Variants in LMF1 observed in about 807,000 individuals in gnomAD.
The protein encoded by LMF1 is lipase maturation factor 1, also known as transmembrane protein 112.
Under a neutral mutation model 60.6 loss-of-function variants are expected in LMF1, and 68 were observed. That is an observed-to-expected ratio of 1.12 (90% CI 0.92 to 1.37). LMF1 has a LOEUF of 1.37. Ranked by LOEUF, LMF1 falls within the 40% of genes most tolerant of loss-of-function variation. The pLI, the probability that LMF1 is intolerant of heterozygous loss-of-function variation, is 0.00. For missense variants in LMF1, 948 were observed against 767.2 expected (o/e 1.24, Z -2.78); for synonymous variants, 418 against 324.7 (o/e 1.29, Z -3.09).
upstream of LMF1, chr16:975,975 G>C (rs1351968669): frequency 3.4e-6 from 1 of 291,022 alleles, no homozygotes; most frequent in Non-Finnish European, 6.2e-6. Flanking sequence ...TGGACATTCC[G>C]GGCAAGGGGC....
chr16:888,466 C>G (rs2070377159), intron 5 of LMF1, among the ~76,000 whole-genome samples: 1 of 152,210 alleles, frequency 6.6e-6, no homozygotes, highest in South Asian at 2.1e-4. Flanking sequence ...CTCACTCCAT[C>G]CTTCTTGATG....
intron 3 of LMF1, among the ~76,000 whole-genome samples, chr16:927,283 G>A (rs903769464): frequency 2.6e-5 from 4 of 152,168 alleles, no homozygotes; most frequent in African/African-American, 7.2e-5. Context: ...TGAAGAACAC[G>A]ACCAGACACT....
intron 2 of LMF1, among the ~76,000 whole-genome samples, chr16:945,014 G>C (rs2072201614): frequency 6.6e-6 from 1 of 151,584 alleles, no homozygotes; most frequent in Admixed American, 6.6e-5. Flanking sequence ...AGGAGTTCGA[G>C]ACCAGCCTGA....
chr16:931,071 A>C (rs1460448093), intron 3 of LMF1, among the ~76,000 whole-genome samples: 4 of 152,058 alleles, frequency 2.6e-5, no homozygotes, highest in Non-Finnish European at 4.4e-5. Context: ...CAGTGAGCCA[A>C]GATCGCACCA....
intron 5 of LMF1, among the ~76,000 whole-genome samples, chr16:890,680 A>AC (rs556090242): frequency 6.6e-5 from 10 of 151,928 alleles, no homozygotes; most frequent in African/African-American, 1.9e-4. Flanking sequence ...TGGGCACAGG[A>AC]CCCCCCCATG....
chr16:912,135 C>A (rs1399898116), intron 3 of LMF1, among the ~76,000 whole-genome samples: 1 of 152,178 alleles, frequency 6.6e-6, no homozygotes. Flanking sequence ...ACCCGCTGCC[C>A]AGCATGACAA....
intron 3 of LMF1, among the ~76,000 whole-genome samples, chr16:921,430 C>T (rs563753472): frequency 6.6e-6 from 1 of 152,176 alleles, no homozygotes; most frequent in Admixed American, 6.5e-5. Flanking sequence ...AAAGTTCACC[C>T]GCCAGCCAGG....
intron 5 of LMF1, among the ~76,000 whole-genome samples, chr16:890,366 T>C (rs1410109322): frequency 1.3e-5 from 2 of 152,060 alleles, no homozygotes; most frequent in Non-Finnish European, 2.9e-5. Context: ...CAAGTCACAG[T>C]GGGTTTTGAA....
intron 3 of LMF1, among the ~76,000 whole-genome samples, chr16:917,835 G>C (rs971642659): frequency 6.6e-6 from 1 of 152,194 alleles, no homozygotes; most frequent in African/African-American, 2.4e-5. Flanking sequence ...GCTGTGTCTG[G>C]AGTGGACTGC....
rs776718553 is a variant in LMF1 at position 893,056 on chromosome 16, C to G, written c.680G>C (p.Arg227Pro). Residue 227 changes from arginine to proline, a missense_variant, in exon 5 of 11, where the codon CGG (arginine) becomes CCG (proline). By Grantham distance (103) the Arg-to-Pro change is moderately radical. Transcript: ENST00000262301. ...GAGGTCTCGCCAGCACCGGTCCCCC[C>G]GGATCTTGATCAGGCCCTGCAAGGA... ...IMLGAGLIKI[R>P]GDRCWRDLTC... 7 of 1,553,990 alleles carry G rather than the reference C, an allele frequency of 4.5e-6. No homozygotes were observed. The highest frequency in any genetic ancestry group is 4.9e-5 in the East Asian group (2 of 41,152).
chr16:966,604 TCAGA>T (rs1273965064), intron 1 of LMF1, among the ~76,000 whole-genome samples: 2 of 112,924 alleles, frequency 1.8e-5, no homozygotes, highest in South Asian at 6.6e-4. Context: ...TTTCCGACGT[TCAGA>T]TATATATACT....
intron 2 of LMF1, among the ~76,000 whole-genome samples, chr16:946,474 C>T (rs557846041): frequency 6.6e-6 from 1 of 152,352 alleles, no homozygotes; most frequent in Non-Finnish European, 1.5e-5. Context: ...TGTCCTGTGG[C>T]CTCCTATCCA....
At chr16:869,219 C>A in intron 9 of LMF1, 163 bp from the exon 10 acceptor site, 1 of 668,568 alleles carries the variant, frequency 1.5e-6, no homozygotes, top group Non-Finnish European at 2.7e-6. Context: ...CCTTAAGGGG[C>A]TGCCTGCTTC....
intron 3 of LMF1, among the ~76,000 whole-genome samples, chr16:922,355 C>G (rs2071454777): frequency 6.6e-6 from 1 of 152,194 alleles, no homozygotes; most frequent in Non-Finnish European, 1.5e-5. Context: ...CAGCCCACAG[C>G]GACTGGTAGC....
In LMF1 at chr16:874,444, G is replaced by A. The variant is rs1460537702; in HGVS notation, c.898-3103C>T. ...ACCCCCTGCCCCTCCCGCCCTGGCA[G>A]TCCGGGGCTGCGTCTCCCTGTCACC... is the stretch of plus-strand genomic sequence containing the variant. On this transcript the variant is annotated intron_variant, in intron 6 of 10. Transcript: ENST00000262301. The surrounding 1 kb of genome is among the most constrained non-coding windows in gnomAD (Gnocchi z 4.1). 6.6e-6 allele frequency among the ~76,000 whole-genome samples: 1 copy of A among 152,230 alleles called. No individual in the cohort carries two copies. The highest frequency in any genetic ancestry group is 1.5e-5 in the Non-Finnish European group (1 of 68,038).
At chr16:957,903 G>C (rs751406265) in intron 1 of LMF1, among the ~76,000 whole-genome samples, 1 of 152,216 alleles carries the variant, frequency 6.6e-6, no homozygotes, top group Non-Finnish European at 1.5e-5. Context: ...AGCACTTTGG[G>C]AGGCTGAGGC....
At chr16:894,774 T>C (rs987613841) in intron 4 of LMF1, among the ~76,000 whole-genome samples, 5 of 152,224 alleles carry the variant, frequency 3.3e-5, no homozygotes, top group African/African-American at 9.6e-5. Flanking sequence ...ACTTTCGTAA[T>C]GGCCGCCTCC....
chr16:927,803 C>G (rs76656836), intron 3 of LMF1, among the ~76,000 whole-genome samples: 1,875 of 152,306 alleles, frequency 0.012, 23 homozygotes, highest in South Asian at 0.097. Context: ...ATTTAAGAGC[C>G]GCAAGGGTGA....
rs1028627215 is a variant in LMF1 at position 854,383 on chromosome 16, A to G, written c.*149T>C. The stretch of plus-strand genomic sequence containing the variant: ...GCCACAGTATGTGACAACAGACCCC[A>G]CCCTGGACCCCCGTGCTGGGGGCTG... On this transcript the variant is annotated 3_prime_UTR_variant, in exon 11 of 11. Transcript: ENST00000262301. The G allele has an allele frequency of 1.2e-5, 10 of 864,060 alleles. No homozygotes were observed. Among genetic ancestry groups the G allele is most frequent in the Non-Finnish European group, 1.8e-5 (10 of 541,518 alleles). 53.5% of individuals were successfully genotyped at this position (864,060 alleles called of 1,614,324 possible).
Sources: gnomAD v4.1 joint callset for allele counts (sites outside exome capture counted in the v4.1 genomes callset) on GRCh38, gnomAD v4.1.1 for gene constraint, Gnocchi (gnomAD v3.1) non-coding constraint, MANE v1.5 for transcripts, NCBI Gene and HGNC (gene_info 2026-07-23, HGNC 2026-07-21) for gene names.